AMBRA1: variants seen among roughly 807,000 people sequenced by gnomAD.
AMBRA1 encodes activating molecule in BECN1-regulated autophagy protein 1.
In AMBRA1, 47 loss-of-function variants were observed where a neutral mutation model predicts 125.4. The observed-to-expected ratio is 0.37, with a 90% CI of 0.30 to 0.48. AMBRA1 has a LOEUF of 0.48. Among genes scored for constraint, AMBRA1 ranks in the 20% least tolerant of loss-of-function variants. The pLI is 0.99. For missense variants in AMBRA1, 1,331 were observed against 1,693.4 expected (o/e 0.79, Z 3.76); for synonymous variants, 626 against 655.5 (o/e 0.95, Z 0.69).
At chr11:46,486,443 A>G (rs1286709672) in intron 11 of AMBRA1, among the ~76,000 whole-genome samples, 1 of 152,248 alleles carries the variant, frequency 6.6e-6, no homozygotes, top group Non-Finnish European at 1.5e-5. Context: ...TTAGACAGCT[A>G]TGCTATCAGA....
At chr11:46,563,439 G>A (rs1195559565) in intron 1 of AMBRA1, among the ~76,000 whole-genome samples, 1 of 152,008 alleles carries the variant, frequency 6.6e-6, no homozygotes, top group Non-Finnish European at 1.5e-5. Context: ...TGCCCAGGCT[G>A]TTCTCAAACT....
chr11:46,452,547 T>C (rs1271840076), intron 11 of AMBRA1, among the ~76,000 whole-genome samples: 1 of 152,234 alleles, frequency 6.6e-6, no homozygotes, highest in East Asian at 1.9e-4. Flanking sequence ...CACTGGCTTC[T>C]GTTTACAAAA....
intron 14 of AMBRA1, among the ~76,000 whole-genome samples, chr11:46,418,802 T>A (rs1002863923): frequency 1.4e-4 from 21 of 152,280 alleles, no homozygotes; most frequent in African/African-American, 5.1e-4. Context: ...CCTTAGAGCC[T>A]TTTAGCTAAC....
chr11:46,426,332 G>A (rs1342915305), intron 14 of AMBRA1, among the ~76,000 whole-genome samples: 1 of 152,160 alleles, frequency 6.6e-6, no homozygotes, highest in Non-Finnish European at 1.5e-5. Context: ...CTGGGGAGAT[G>A]GCAGTGAAAA....
intron 14 of AMBRA1, among the ~76,000 whole-genome samples, chr11:46,429,956 T>C (rs561747932): frequency 3.0e-4 from 45 of 152,072 alleles, no homozygotes; most frequent in East Asian, 1.7e-3. Context: ...GAGAGTAGCA[T>C]ATCCAGTCTG....
intron 11 of AMBRA1, among the ~76,000 whole-genome samples, chr11:46,488,287 C>T (rs1001510310): frequency 6.6e-6 from 1 of 152,050 alleles, no homozygotes; most frequent in Admixed American, 6.6e-5. Context: ...GAAACCCCAT[C>T]TCTACTAAAA....
At chr11:46,532,050 C>T (rs568573879) in intron 7 of AMBRA1, among the ~76,000 whole-genome samples, 87 of 150,768 alleles carry the variant, frequency 5.8e-4, no homozygotes, top group African/African-American at 2.0e-3. Context: ...ACCTGGGAGG[C>T]GGAAGTTGCA....
At position 46,539,173 on chromosome 11, in the gene AMBRA1, G is replaced by A. The variant is rs1329419968; in HGVS notation, c.2072+2772C>T. On this transcript the variant is annotated intron_variant, in intron 7 of 17. Coordinates refer to ENST00000683756, the MANE Select transcript of AMBRA1 (RefSeq NM_001387011.1). ...CTTTGAAGTCAGGTTATAGGTGTAT[G>A]GAAGCTCAGTTATACTTTTCTCTTC... Among the ~76,000 whole-genome samples the A allele has an allele frequency of 2.0e-5, 3 of 152,076 alleles. No individual in the cohort carries two copies. In the South Asian group the frequency reaches 6.2e-4, roughly 32 times the overall value.
At chr11:46,410,752 T>C (rs1946246791) in intron 15 of AMBRA1, among the ~76,000 whole-genome samples, 1 of 152,118 alleles carries the variant, frequency 6.6e-6, no homozygotes, top group Non-Finnish European at 1.5e-5. Context: ...TGAGGCCCAC[T>C]GGAGAGATAC....
At chr11:46,461,266 G>T (rs1392316824) in intron 11 of AMBRA1, among the ~76,000 whole-genome samples, 1 of 152,082 alleles carries the variant, frequency 6.6e-6, no homozygotes, top group Non-Finnish European at 1.5e-5. Flanking sequence ...TAATAAACTT[G>T]TTGAGACAAA....
intron 13 of AMBRA1, among the ~76,000 whole-genome samples, chr11:46,434,373 A>G (rs1590798519): frequency 6.6e-6 from 1 of 151,964 alleles, no homozygotes; most frequent in South Asian, 2.1e-4. Flanking sequence ...GACACCAACA[A>G]AACACCCACC....
At chr11:46,431,055 C>A (rs1198119038) in intron 14 of AMBRA1, among the ~76,000 whole-genome samples, 1 of 152,168 alleles carries the variant, frequency 6.6e-6, no homozygotes, top group African/African-American at 2.4e-5. Flanking sequence ...GCTGAGTGAT[C>A]TGGTGCCTTT....
chr11:46,524,582 G>A (rs1393650977), intron 7 of AMBRA1, among the ~76,000 whole-genome samples: 3 of 152,162 alleles, frequency 2.0e-5, no homozygotes, highest in East Asian at 3.8e-4. Flanking sequence ...GAGACCTTGG[G>A]CAAGTTCATT....
chr11:46,437,820 A>G (rs1947801314), intron 12 of AMBRA1, among the ~76,000 whole-genome samples: 1 of 152,234 alleles, frequency 6.6e-6, no homozygotes, highest in Non-Finnish European at 1.5e-5. Context: ...TAAGGTAGAG[A>G]GAAAAGGGAG....
rs1477022124 is a variant in AMBRA1, at chr11:46,569,440, A to AAAT, written c.-120-20941_-120-20940insATT. Among the ~76,000 whole-genome samples the AAAT allele has an allele frequency of 8.9e-3, 1,166 of 131,302 alleles. 10 individuals carry two copies. Among genetic ancestry groups the AAAT allele is most frequent in the Non-Finnish European group, 0.014 (877 of 63,072 alleles). The allele number at this position is 131,302 out of a possible 152,430, so 86.1% of individuals were successfully genotyped here. ...ATCACTGAGAGATTAAAAAAAAAAA[A>AAAT]ATATATATATATATATATATATATA... On this transcript the variant is annotated intron_variant, in intron 1 of 17. Transcript: ENST00000683756.
chr11:46,469,260 T>C (rs766434950), intron 11 of AMBRA1, among the ~76,000 whole-genome samples: 16 of 152,244 alleles, frequency 1.1e-4, no homozygotes, highest in Non-Finnish European at 2.4e-4. Context: ...TATGCTGAAC[T>C]CTCCAGCTCC....
chr11:46,402,174 C>G (rs1251009502), intron 17 of AMBRA1, among the ~76,000 whole-genome samples: 1 of 152,130 alleles, frequency 6.6e-6, no homozygotes, highest in East Asian at 1.9e-4. Context: ...CCTATAAGTT[C>G]CTGAAGGTCT....
At chr11:46,494,637 C>T (rs904587401) in intron 9 of AMBRA1, 1 of 153,702 alleles carries the variant, frequency 6.5e-6, no homozygotes, top group African/African-American at 2.4e-5. Context: ...AAGAAAAATT[C>T]CCCCACCAAT....
intron 8 of AMBRA1, among the ~76,000 whole-genome samples, chr11:46,508,904 C>T (rs574125393): frequency 6.6e-6 from 1 of 152,324 alleles, no homozygotes; most frequent in Admixed American, 6.5e-5. Flanking sequence ...GTATACACAG[C>T]TCCAGATTTG....
Sources: allele counts gnomAD v4.1 joint callset (sites outside exome capture counted in the v4.1 genomes callset), GRCh38; gene constraint gnomAD v4.1.1; transcripts MANE v1.5; gene names NCBI Gene and HGNC (gene_info 2026-07-23, HGNC 2026-07-21).